The following KRT16 variants were observed in gnomAD, a reference collection of about 807,000 sequenced individuals.
KRT16 encodes the protein keratin 16, also known as keratin, type I cytoskeletal 16.
KRT16 carries 42 observed loss-of-function variants against 44.8 expected under a neutral mutation model. The observed-to-expected ratio is 0.94, with a 90% confidence interval of 0.73 to 1.21. KRT16 has a LOEUF of 1.21. Ranked by LOEUF, KRT16 falls within the 50% of genes most tolerant of loss-of-function variation. The pLI, the probability that KRT16 is intolerant of heterozygous loss-of-function variation, is 0.00. For missense variants in KRT16, 561 were observed against 626.9 expected, an observed-to-expected ratio of 0.89 and a Z score of 1.12; for synonymous variants, 226 against 260.4, an observed-to-expected ratio of 0.87 and a Z score of 1.27.
rs2144603962 is a variant in KRT16 at position 41,611,718 on chromosome 17, T to A, written c.535A>T (p.Ile179Phe). 6.2e-7 allele frequency: 1 copy of A among 1,609,864 alleles called. No individual in the cohort carries two copies. Among genetic ancestry groups the A allele is most frequent in the Non-Finnish European group, 8.5e-7 (1 of 1,178,994 alleles). The change falls in exon 2 of 8, where the codon ATT becomes TTT. Residue 179 changes from isoleucine (I) to phenylalanine (F), a missense_variant. Ile to Phe is a conservative substitution (Grantham distance 21, BLOSUM62 0). Transcript: ENST00000301653. ...TGCGCATTCTCAATGGTGGCCGCAA[T>A]GATCTGGAGTGGGGATGGAGGACAG... ...KTIEDLRNKIIAATIENAQPI... is the reference protein window; with the variant it reads ...KTIEDLRNKIFAATIENAQPI...
At position 41,611,004 on chromosome 17, in the gene KRT16, G is replaced by A. The variant is rs1490011966; in HGVS notation, c.934-25C>T. 1.9e-6 allele frequency: 3 copies of A among 1,614,026 alleles called. No homozygotes were observed. The East Asian group carries it at 6.7e-5, about 36-fold the overall frequency. On this transcript the variant is annotated intron_variant, in intron 4 of 7. Transcript: ENST00000301653. ...TCTGAGGCAGGAAAGCAGAGTGAAA[G>A]GTGAGGCTCTCCCAAAGCCCCCAGC...
rs1908242322 is a variant in KRT16, at chr17:41,612,520, A to G, written c.169T>C (p.Ser57Pro). 8 of 1,601,010 alleles carry G rather than the reference A, an allele frequency of 5.0e-6. No homozygotes were observed. Among genetic ancestry groups the G allele is most frequent in the Non-Finnish European group, 6.8e-6 (8 of 1,174,078 alleles). ...GGGLSVSSRF[S>P]SGGACGLGGG... is the part of the protein sequence containing the mutation. The stretch of plus-strand genomic sequence containing the variant: ...CCCAGCCCGCAGGCTCCCCCAGAGG[A>G]GAAGCGAGAGGAGACAGACAGGCCG... The change falls in exon 1 of 8, where the codon TCC (serine) becomes CCC (proline). Residue 57 changes from serine to proline, a missense_variant. Ser to Pro is a moderately conservative substitution (Grantham distance 74). Transcript: ENST00000301653.
Position 41,610,965 on chromosome 17 carries a change from G to A in KRT16, c.948C>T (p.Asn316=), listed in dbSNP as rs1402979212. 1.2e-6 allele frequency: 2 copies of A among 1,614,144 alleles called. No individual in the cohort carries two copies. Among genetic ancestry groups the A allele is most frequent in the Non-Finnish European group, 1.7e-6 (2 of 1,180,000 alleles). Residue 316 remains asparagine (N), a synonymous_variant, in exon 5 of 8, where the codon AAC becomes AAT. Transcript: ENST00000301653. ...GTTCGCTGTTGGAGGCCACTTCTTT[G>A]TTCAGCTCCTCGGTCTGAGGCAGGA... ...TWFLSKTEEL[N]KEVASNSELV... is the part of the protein sequence containing the mutation.
rs566571237 is a variant in KRT16 at position 41,609,829 on chromosome 17, A to G, written c.*106T>C. On this transcript the variant is annotated 3_prime_UTR_variant, in exon 8 of 8. Coordinates refer to ENST00000301653, the MANE Select transcript of KRT16 (RefSeq NM_005557.4). Reference sequence around the variant, plus strand: ...ATTAGCCCACCACCAGCAGAGGAGCAGGGGAGATAGCTGGGAACTGCGCCA... The same window carrying G: ...ATTAGCCCACCACCAGCAGAGGAGCGGGGGAGATAGCTGGGAACTGCGCCA... 6 of 865,534 alleles carry G rather than the reference A, an allele frequency of 6.9e-6. No homozygotes were observed. The highest frequency in any genetic ancestry group is 1.7e-5 in the African/African-American group (1 of 60,284). 53.6% of individuals were successfully genotyped at this position (865,534 alleles called of 1,614,324 possible). A position where few individuals can be genotyped will look rare whatever the true frequency, so the allele number is the denominator to read the frequency against.
rs1908126614 is a variant in KRT16, at chr17:41,609,964, A to C, written c.1393T>G (p.Ser465Ala). 9 of 1,611,892 alleles carry C rather than the reference A, an allele frequency of 5.6e-6. No homozygotes were observed. Among genetic ancestry groups the C allele is most frequent in the Non-Finnish European group, 6.8e-6 (8 of 1,179,848 alleles). ...GAGCTCTGGCCCTGGCTGAAGCTGG[A>C]TGAGCTCTGCTCCTTGAGGATGGGC... ...TRPILKEQSS[S>A]SFSQGQSS Residue 465 changes from serine (S) to alanine (A), a missense_variant, in exon 8 of 8, where the codon TCC (serine) becomes GCC (alanine). Coordinates refer to ENST00000301653, the MANE Select transcript of KRT16 (RefSeq NM_005557.4).
At chr17:41,610,094 A>T in intron 7 of KRT16, 65 bp from the exon 8 acceptor site, 13 of 1,580,970 alleles carry the variant, frequency 8.2e-6, no homozygotes, top group Non-Finnish European at 1.0e-5. Flanking sequence ...GGGCAGGGAG[A>T]AGGGAGGGCT....
rs761075706 is a variant in KRT16 at position 41,611,742 on chromosome 17, A to G, written c.532-21T>C. 5.0e-6 allele frequency: 8 copies of G among 1,603,220 alleles called. No homozygotes were observed. The Admixed American group carries it at 1.4e-4, about 27-fold the overall frequency. On this transcript the variant is annotated intron_variant, in intron 1 of 7. Transcript: ENST00000301653. ...ATGATCTGGAGTGGGGATGGAGGAC[A>G]GGAGCCCTGGTCAGCCAAGGACCTT...
chr17:41,612,187 A>G lies in KRT16; in HGVS notation c.502T>C (p.Phe168Leu). 1 of 1,612,518 alleles carries G rather than the reference A, an allele frequency of 6.2e-7. No homozygotes were observed. The highest frequency in any genetic ancestry group is 1.1e-5 in the South Asian group (1 of 91,010). ...PSEIKDYSPY[F>L]KTIEDLRNKI... The stretch of plus-strand genomic sequence containing the variant: ...TTCCTCAGGTCCTCGATGGTCTTGA[A>G]GTAGGGACTGTAGTCTTTGATCTCA... Residue 168 changes from phenylalanine to leucine, a missense_variant, in exon 1 of 8, where the codon TTC becomes CTC. Coordinates refer to ENST00000301653, the MANE Select transcript of KRT16 (RefSeq NM_005557.4).
At position 41,611,154 on chromosome 17, in the gene KRT16, C is replaced by A. The variant is rs1453845138; in HGVS notation, c.848G>T (p.Ser283Ile). Residue 283 changes from serine to isoleucine, a missense_variant, in exon 4 of 8, where the codon AGC becomes ATC. Physicochemically the swap from Ser to Ile is moderately radical, Grantham distance 142 (BLOSUM62 -2). Transcript: ENST00000301653. Reference sequence around the variant, plus strand: ...GTCACGCATCTCATTCAGGATGCGGCTCAGGTCCACGCCAGGTGCAGCATC... The same window carrying A: ...GTCACGCATCTCATTCAGGATGCGGATCAGGTCCACGCCAGGTGCAGCATC... ...EMDAAPGVDL[S>I]RILNEMRDQY... The A allele has an allele frequency of 6.2e-7, 1 of 1,613,880 alleles. No homozygotes were observed. The highest frequency in any genetic ancestry group is 1.3e-5 in the African/African-American group (1 of 74,924).
In KRT16 at chr17:41,610,842, G is replaced by A; in HGVS notation, c.1059+12C>T. 6.2e-7 allele frequency: 1 copy of A among 1,613,578 alleles called. No homozygotes were observed. The highest frequency in any genetic ancestry group is 8.5e-7 in the Non-Finnish European group (1 of 1,180,022). On this transcript the variant is annotated intron_variant, in intron 5 of 7. Coordinates refer to ENST00000301653, the MANE Select transcript of KRT16 (RefSeq NM_005557.4). ...TGACTTGGGGGCTGCTGCTGTGCTG[G>A]GTCCTTCATACCATGCTGAGCTGGG...
chr17:41,611,370 G>T lies in KRT16; in HGVS notation c.746C>A (p.Ala249Asp). 2 of 1,614,156 alleles carry T rather than the reference G, an allele frequency of 1.2e-6. No homozygotes were observed. The highest frequency in any genetic ancestry group is 1.6e-4 in the Middle Eastern group (1 of 6,062). ...MQIEGLKEEL[A>D]YLRKNHEEEM... ...CTCCTCGTGGTTCTTCCTCAGGTAG[G>T]CCAGCTCCTCCTTCAGGCCTTCGAT... The change falls in exon 3 of 8, where the codon GCC becomes GAC. Residue 249 changes from alanine (A) to aspartate (D), a missense_variant. Coordinates refer to ENST00000301653, the MANE Select transcript of KRT16 (RefSeq NM_005557.4).
chr17:41,610,819 ACTTGGGGGCTGCTG>A, intron 5 of KRT16, 21 bp downstream of exon 5: 1 of 1,612,898 alleles, frequency 6.2e-7, no homozygotes, highest in South Asian at 1.1e-5. Context: ...ATTACTGGTG[ACTTGGGGGCTGCTG>A]CTGTGCTGGG....
intron 2 of KRT16, 34 bp downstream of exon 2, chr17:41,611,605 C>A: frequency 1.2e-6 from 2 of 1,608,406 alleles, no homozygotes; most frequent in Non-Finnish European, 1.7e-6. Context: ...TGTCCCTTGC[C>A]CTCTGCCCCC....
At position 41,610,874 on chromosome 17, in the gene KRT16, G is replaced by T. The variant is rs766869930; in HGVS notation, c.1039C>A (p.Leu347Met). 6.2e-7 allele frequency: 1 copy of T among 1,614,048 alleles called. No homozygotes were observed. The highest frequency in any genetic ancestry group is 1.1e-5 in the South Asian group (1 of 91,058). ...CATACCATGCTGAGCTGGGACTGCA[G>T]CTCAATCTCCAGGCCCTGGAGCACC... Reference protein sequence around the residue: ...RRVLQGLEIELQSQLSMKASL... With the variant: ...RRVLQGLEIEMQSQLSMKASL... Residue 347 changes from leucine (L) to methionine (M), a missense_variant, in exon 5 of 8, where the codon CTG becomes ATG. Coordinates refer to ENST00000301653, the MANE Select transcript of KRT16 (RefSeq NM_005557.4).
At chr17:41,610,708 C>T in intron 5 of KRT16, 146 bp downstream of exon 5, 2 of 1,475,692 alleles carry the variant, frequency 1.4e-6, no homozygotes, top group South Asian at 1.1e-5. Flanking sequence ...TATTCTAGGG[C>T]TTAGTTTCTC....
chr17:41,612,155 C>G lies in KRT16; in HGVS notation c.531+3G>C. On this transcript the variant is annotated splice_donor_region_variant and intron_variant, in intron 1 of 7. Transcript: ENST00000301653. Reference sequence around the variant, plus strand: ...CAGTGCTCCATACACCAAAGTCACCCACCTTGTTCCTCAGGTCCTCGATGG... The same window carrying G: ...CAGTGCTCCATACACCAAAGTCACCGACCTTGTTCCTCAGGTCCTCGATGG... 1 of 1,612,154 alleles carries G rather than the reference C, an allele frequency of 6.2e-7. No individual in the cohort carries two copies. Among genetic ancestry groups the G allele is most frequent in the Non-Finnish European group, 8.5e-7 (1 of 1,179,872 alleles).
Position 41,610,880 on chromosome 17 carries a change from T to C in KRT16, c.1033A>G (p.Ile345Val). Reference protein sequence around the residue: ...ELRRVLQGLEIELQSQLSMKA... With the variant: ...ELRRVLQGLEVELQSQLSMKA... ...ATGCTGAGCTGGGACTGCAGCTCAA[T>C]CTCCAGGCCCTGGAGCACCCTCCGG... Residue 345 changes from isoleucine to valine, a missense_variant, in exon 5 of 8, where the codon ATT becomes GTT. Ile to Val is a conservative substitution (Grantham distance 29). Coordinates refer to ENST00000301653, the MANE Select transcript of KRT16 (RefSeq NM_005557.4). 1.2e-6 allele frequency: 2 copies of C among 1,614,046 alleles called. No individual in the cohort carries two copies. The highest frequency in any genetic ancestry group is 1.7e-6 in the Non-Finnish European group (2 of 1,180,028).
rs747010520 is a variant in KRT16 at position 41,610,884 on chromosome 17, C to T, written c.1029G>A (p.Leu343=). ...VTELRRVLQG[L]EIELQSQLSM... ...TGAGCTGGGACTGCAGCTCAATCTC[C>T]AGGCCCTGGAGCACCCTCCGGAGCT... is the stretch of plus-strand genomic sequence containing the variant. The change falls in exon 5 of 8, where the codon CTG becomes CTA. Residue 343 remains leucine, a synonymous_variant. Transcript: ENST00000301653. 11 of 1,614,136 alleles carry T rather than the reference C, an allele frequency of 6.8e-6. No individual in the cohort carries two copies. Among genetic ancestry groups the T allele is most frequent in the Non-Finnish European group, 9.3e-6 (11 of 1,180,046 alleles).
Position 41,612,211 on chromosome 17 carries a change from C to T in KRT16, c.478G>A (p.Glu160Lys), listed in dbSNP as rs1293846544. The T allele has an allele frequency of 6.2e-7, 1 of 1,612,992 alleles. No individual in the cohort carries two copies. Among genetic ancestry groups the T allele is most frequent in the Non-Finnish European group, 8.5e-7 (1 of 1,179,998 alleles). ...RDWYQRQRPSEIKDYSPYFKT... is the reference protein window; with the variant it reads ...RDWYQRQRPSKIKDYSPYFKT... Reference sequence around the variant, plus strand: ...AAGTAGGGACTGTAGTCTTTGATCTCACTGGGCCGCTGCCTCTGGTACCAG... The same window carrying T: ...AAGTAGGGACTGTAGTCTTTGATCTTACTGGGCCGCTGCCTCTGGTACCAG... The change falls in exon 1 of 8, where the codon GAG (glutamate) becomes AAG (lysine). Residue 160 changes from glutamate (E) to lysine (K), a missense_variant. Transcript: ENST00000301653.
Sources: allele counts gnomAD v4.1 joint callset, GRCh38; gene constraint gnomAD v4.1.1; transcripts MANE v1.5; gene names NCBI Gene and HGNC (gene_info 2026-07-23, HGNC 2026-07-21).